FIRRM: variants seen among roughly 807,000 people sequenced by gnomAD.
The protein encoded by FIRRM is FIGNL1 interacting regulator of recombination and mitosis, also known as FIGNL1-interacting regulator of recombination and mitosis.
chr1:169,826,064 T>G, the FIRRM span: 2 of 284,762 alleles, frequency 7.0e-6, no homozygotes, highest in African/African-American at 6.2e-5. Flanking sequence ...TCTGCCTATT[T>G]TAAAACAACT....
the FIRRM span, among the ~76,000 whole-genome samples, chr1:169,808,904 G>A: frequency 6.6e-6 from 1 of 152,108 alleles, no homozygotes. Context: ...CAGCCTATAT[G>A]TAATAATTTT....
chr1:169,852,467 A>G, the FIRRM span: 1 of 315,278 alleles, frequency 3.2e-6, no homozygotes, highest in Non-Finnish European at 5.8e-6. Context: ...TCATAAAAAG[A>G]AAATACATTT....
At chr1:169,848,996 C>T in the FIRRM span, among the ~76,000 whole-genome samples, 1 of 152,136 alleles carries the variant, frequency 6.6e-6, no homozygotes, top group Non-Finnish European at 1.5e-5. Flanking sequence ...ATGAACCAAA[C>T]TAATAAATCC....
chr1:169,795,072 C>T, the FIRRM span: 10 of 1,508,958 alleles, frequency 6.6e-6, no homozygotes, highest in East Asian at 7.4e-5. Context: ...TTTGGCGGGT[C>T]TGGTTTGAAG....
chr1:169,809,016 C>G, the FIRRM span, among the ~76,000 whole-genome samples: 1 of 152,198 alleles, frequency 6.6e-6, no homozygotes, highest in East Asian at 1.9e-4. Context: ...TGTACCTGCG[C>G]TCTTCCCTGC....
chr1:169,839,386 G>C, the FIRRM span, among the ~76,000 whole-genome samples: 1 of 152,188 alleles, frequency 6.6e-6, no homozygotes. Context: ...CCTACCAACA[G>C]TATATAAGCA....
the FIRRM span, chr1:169,795,934 G>A: frequency 1.0e-6 from 1 of 985,294 alleles, no homozygotes; most frequent in African/African-American, 1.7e-5. Context: ...TTCTTGATTG[G>A]TCTCATGCCT....
At chr1:169,798,062 CTT>C in the FIRRM span, among the ~76,000 whole-genome samples, 71,330 of 151,672 alleles carry the variant, frequency 0.47, 17,078 homozygotes, top group Middle Eastern at 0.59. Context: ...TGATGAGTGA[CTT>C]AGGTATAAAT....
At chr1:169,802,798 A>T in the FIRRM span, 101 of 823,102 alleles carry the variant, frequency 1.2e-4, no homozygotes, top group Non-Finnish European at 1.9e-4. Flanking sequence ...ACTGATACTG[A>T]TTAGCTATGT....
chr1:169,852,628 A>G, the FIRRM span: 2 of 677,104 alleles, frequency 3.0e-6, no homozygotes, highest in South Asian at 2.0e-5. Flanking sequence ...ATGCCTTTAC[A>G]TATTTTTCTA....
the FIRRM span, among the ~76,000 whole-genome samples, chr1:169,815,099 C>G: frequency 6.6e-6 from 1 of 151,744 alleles, no homozygotes; most frequent in South Asian, 2.1e-4. Flanking sequence ...AGTTGGAGAC[C>G]AGCCTGGCCA....
the FIRRM span, chr1:169,802,479 AC>A: frequency 1.9e-6 from 1 of 520,640 alleles, no homozygotes; most frequent in South Asian, 3.1e-5. Context: ...TTAATTAGGT[AC>A]AATTGTTAAG....
At chr1:169,804,535 C>T in the FIRRM span, 8 of 200,702 alleles carry the variant, frequency 4.0e-5, no homozygotes, top group Non-Finnish European at 7.0e-5. Context: ...TTTTTTTAAC[C>T]ATAACTGATA....
At chr1:169,823,260 AAAAG>A in the FIRRM span, 39 of 486,580 alleles carry the variant, frequency 8.0e-5, no homozygotes, top group African/African-American at 1.5e-4. Context: ...CAAAAAAAAA[AAAAG>A]AAAAGAAAAG....
chr1:169,849,693 T>C, the FIRRM span: 1 of 1,017,128 alleles, frequency 9.8e-7, no homozygotes, highest in South Asian at 1.4e-5. Context: ...TTTATTGAAC[T>C]GCTTCTGTAT....
chr1:169,809,653 T>A, the FIRRM span, among the ~76,000 whole-genome samples: 1 of 152,154 alleles, frequency 6.6e-6, no homozygotes, highest in Non-Finnish European at 1.5e-5. Context: ...ATCAGAAAAT[T>A]TAAATTCTCT....
chr1:169,810,234 C>T, the FIRRM span, among the ~76,000 whole-genome samples: 1 of 152,134 alleles, frequency 6.6e-6, no homozygotes, highest in African/African-American at 2.4e-5. Flanking sequence ...ATCTTCAAGC[C>T]ATATCATCTC....
chr1:169,801,067 C>T, the FIRRM span: 1 of 595,736 alleles, frequency 1.7e-6, no homozygotes, highest in Non-Finnish European at 2.9e-6. Flanking sequence ...TCTAATATAT[C>T]AAATATATTC....
the FIRRM span, among the ~76,000 whole-genome samples, chr1:169,845,032 T>C: frequency 6.6e-6 from 1 of 152,202 alleles, no homozygotes; most frequent in Non-Finnish European, 1.5e-5. Flanking sequence ...TTTGGCCTGT[T>C]AGAGAAAAAG....
Sources: allele counts gnomAD v4.1 joint callset (sites outside exome capture counted in the v4.1 genomes callset), GRCh38; gene constraint gnomAD v4.1.1; transcripts MANE v1.5; gene names NCBI Gene and HGNC (gene_info 2026-07-23, HGNC 2026-07-21).